Variants in TMEM245 observed in about 807,000 individuals in gnomAD.
TMEM245 encodes transmembrane protein 245.
TMEM245 carries 69 observed loss-of-function variants against 101.2 expected under a neutral mutation model. The ratio of observed to expected loss-of-function variants is 0.68; its 90% CI spans 0.56 to 0.83. The LOEUF (loss-of-function observed/expected upper bound fraction) is 0.83. Ranked by LOEUF, TMEM245 falls within the 40% of genes least tolerant of loss-of-function variation. The pLI, the probability that TMEM245 is intolerant of heterozygous loss-of-function variation, is 0.00. For missense variants in TMEM245, 1,075 were observed against 1,092.8 expected, an observed-to-expected ratio of 0.98 and a Z score of 0.23; for synonymous variants, 537 against 449.8, an observed-to-expected ratio of 1.19 and a Z score of -2.45.
chr9:109,031,542 T>C (rs1164512616), intron 17 of TMEM245, among the ~76,000 whole-genome samples: 2 of 152,200 alleles, frequency 1.3e-5, no homozygotes, highest in African/African-American at 2.4e-5. Context: ...ATTTCTTTTA[T>C]ATGAAGTTCA....
intron 9 of TMEM245, among the ~76,000 whole-genome samples, chr9:109,070,659 T>C (rs1829304907): frequency 6.6e-6 from 1 of 151,192 alleles, no homozygotes; most frequent in Non-Finnish European, 1.5e-5. Flanking sequence ...ATATGATGAT[T>C]CTACTTCTCT....
intron 1 of TMEM245, 69 bp downstream of exon 1, chr9:109,119,266 G>T: frequency 1.4e-6 from 2 of 1,427,868 alleles, no homozygotes; most frequent in Non-Finnish European, 1.8e-6. Flanking sequence ...GGGAGGAACA[G>T]CTGCAGGATT....
At chr9:109,071,528 C>T (rs1443130286) in intron 9 of TMEM245, among the ~76,000 whole-genome samples, 1 of 150,664 alleles carries the variant, frequency 6.6e-6, no homozygotes, top group Non-Finnish European at 1.5e-5. Flanking sequence ...TGATTGAGCC[C>T]AGGAGATCAA....
Position 109,050,607 on chromosome 9 carries a change from T to C in TMEM245, c.1940A>G (p.Tyr647Cys). Residue 647 changes from tyrosine to cysteine, a missense_variant, in exon 13 of 18, where the codon TAC becomes TGC. Coordinates refer to ENST00000374586, the MANE Select transcript of TMEM245 (RefSeq NM_032012.4). ...TVTTLLTILF[Y>C]SGTALLNFVL... ...AAAATTGAGAAGGGCTGTCCCGCTG[T>C]AGAAGAGGATGGTCAAGAGTGTAGT... is the stretch of plus-strand genomic sequence containing the variant. 6.2e-7 allele frequency: 1 copy of C among 1,613,776 alleles called. No individual in the cohort carries two copies. The highest frequency in any genetic ancestry group is 8.5e-7 in the Non-Finnish European group (1 of 1,179,966).
intron 14 of TMEM245, among the ~76,000 whole-genome samples, chr9:109,047,639 T>C (rs939926154): frequency 6.6e-6 from 1 of 152,250 alleles, no homozygotes; most frequent in Non-Finnish European, 1.5e-5. Flanking sequence ...ATTTAGAGGA[T>C]GGTCTGCTGT....
intron 9 of TMEM245, among the ~76,000 whole-genome samples, chr9:109,071,367 G>A (rs1022632995): frequency 4.0e-5 from 6 of 151,578 alleles, no homozygotes; most frequent in South Asian, 2.1e-4. Context: ...CCAGCACTTC[G>A]GGAGGCTGAG....
intron 9 of TMEM245, among the ~76,000 whole-genome samples, chr9:109,072,788 T>C (rs901786076): frequency 1.3e-5 from 2 of 152,216 alleles, no homozygotes; most frequent in African/African-American, 4.8e-5. Flanking sequence ...GGAGAACTGC[T>C]TGAGCCCAGG....
chr9:109,108,797 T>C (rs912672901), intron 1 of TMEM245, among the ~76,000 whole-genome samples: 1 of 152,110 alleles, frequency 6.6e-6, no homozygotes, highest in Non-Finnish European at 1.5e-5. Context: ...AAATAGTTGT[T>C]TAACAAAAGA....
At chr9:109,060,266 C>T (rs114492720) in intron 11 of TMEM245, 88 bp downstream of exon 11, 150 of 929,760 alleles carry the variant, frequency 1.6e-4, no homozygotes, top group Middle Eastern at 1.4e-3. Context: ...GAATGAAATC[C>T]CACTGTGAAT....
Position 109,108,440 on chromosome 9 carries a change from A to C in TMEM245, c.697+13T>G. 7.2e-7 allele frequency: 1 copy of C among 1,384,680 alleles called. No homozygotes were observed. The highest frequency in any genetic ancestry group is 9.7e-7 in the Non-Finnish European group (1 of 1,029,484). The allele number at this position is 1,384,680 out of a possible 1,614,324, so 85.8% of individuals were successfully genotyped here. A position where few individuals can be genotyped will look rare whatever the true frequency, so the allele number is the denominator to read the frequency against. On this transcript the variant is annotated intron_variant, in intron 2 of 17. Transcript: ENST00000374586. ...AGACTTAAAAAAAAAAAAAAAAAAAAGAAGGAACCCACCTAAATGAAAAAG... is the reference window on the plus strand; with the variant it reads ...AGACTTAAAAAAAAAAAAAAAAAAACGAAGGAACCCACCTAAATGAAAAAG...
chr9:109,029,327 C>T (rs1321352856), intron 17 of TMEM245, among the ~76,000 whole-genome samples: 1 of 152,160 alleles, frequency 6.6e-6, no homozygotes, highest in Non-Finnish European at 1.5e-5. Context: ...CAAGTTTTCA[C>T]TTTTAAAGGT....
intron 12 of TMEM245, among the ~76,000 whole-genome samples, chr9:109,056,588 C>T (rs1828845412): frequency 6.6e-6 from 1 of 151,986 alleles, no homozygotes; most frequent in African/African-American, 2.4e-5. Context: ...TGCACTCCAG[C>T]CTAGGCAACA....
chr9:109,082,040 C>T (rs1187418683), intron 7 of TMEM245, among the ~76,000 whole-genome samples: 1 of 152,156 alleles, frequency 6.6e-6, no homozygotes, highest in African/African-American at 2.4e-5. Context: ...AACAGCATTG[C>T]TAAATAAGTT....
intron 11 of TMEM245, among the ~76,000 whole-genome samples, chr9:109,059,308 A>C (rs1397648080): frequency 6.6e-6 from 1 of 152,168 alleles, no homozygotes; most frequent in African/African-American, 2.4e-5. Context: ...GTCACTAAGC[A>C]ACAAATTCAA....
In TMEM245 at chr9:109,049,113, T is replaced by C. The variant is rs910156366; in HGVS notation, c.2123+1170A>G. Reference sequence around the variant, plus strand: ...AAGCAAGTGACATGATGCTAACAGCTAGTCTAAGATCCTGCTGATGGAAAG... The same window carrying C: ...AAGCAAGTGACATGATGCTAACAGCCAGTCTAAGATCCTGCTGATGGAAAG... On this transcript the variant is annotated intron_variant, in intron 14 of 17. Transcript: ENST00000374586. Among the ~76,000 whole-genome samples, 8 of 152,240 alleles carry C rather than the reference T, an allele frequency of 5.3e-5. No individual in the cohort carries two copies. In the South Asian group the frequency reaches 1.7e-3, roughly 31 times the overall value.
Position 109,080,853 on chromosome 9 carries a change from G to A in TMEM245, c.1435C>T (p.Leu479Phe). The change falls in exon 8 of 18, where the codon CTC becomes TTC. Residue 479 changes from leucine (L) to phenylalanine (F), a missense_variant. By Grantham distance (22) the Leu-to-Phe change is conservative. This residue lies in a region of TMEM245 where 808 missense variants were observed against 741.5 expected (regional missense o/e 1.09). Coordinates refer to ENST00000374586, the MANE Select transcript of TMEM245 (RefSeq NM_032012.4). ...CTGTACTCTACCTTTGCAGTCAGGA[G>A]TAGGGCTAAAAGAAGAGTTCCTATC... ...LVIGTLLLAL[L>F]LTAKVHQESV... The A allele has an allele frequency of 1.9e-6, 3 of 1,592,940 alleles. No individual in the cohort carries two copies. The South Asian group carries it at 3.3e-5, about 18-fold the overall frequency.
chr9:109,077,956 G>C (rs561205838), intron 8 of TMEM245, among the ~76,000 whole-genome samples: 1 of 152,240 alleles, frequency 6.6e-6, no homozygotes, highest in African/African-American at 2.4e-5. Flanking sequence ...TTTGCTACTA[G>C]CTTTCTATTT....
At chr9:109,115,419 T>C in intron 1 of TMEM245, among the ~76,000 whole-genome samples, 1 of 150,138 alleles carries the variant, frequency 6.7e-6, no homozygotes, top group Non-Finnish European at 1.5e-5. Context: ...CCTGGAAAAC[T>C]GCATAGATAT....
At chr9:109,022,914 A>G (rs1827674083) in intron 17 of TMEM245, among the ~76,000 whole-genome samples, 1 of 152,220 alleles carries the variant, frequency 6.6e-6, no homozygotes, top group Non-Finnish European at 1.5e-5. Flanking sequence ...TCTATTAACT[A>G]TTCATTTCCT....
Sources: allele counts gnomAD v4.1 joint callset (sites outside exome capture counted in the v4.1 genomes callset), GRCh38; gene constraint gnomAD v4.1.1; regional missense constraint gnomAD v4.1.1; transcripts MANE v1.5; gene names NCBI Gene and HGNC (gene_info 2026-07-23, HGNC 2026-07-21).